KCNAB1: variants seen among roughly 807,000 people sequenced by gnomAD.
KCNAB1 encodes the protein voltage-gated potassium channel subunit beta-1.
KCNAB1 carries 35 observed loss-of-function variants against 64.6 expected under a neutral mutation model. The observed-to-expected ratio is 0.54, with a 90% confidence interval of 0.41 to 0.72. KCNAB1 has a LOEUF of 0.72. KCNAB1 is among the 30% of genes least tolerant of loss of function. The pLI, the probability that KCNAB1 is intolerant of heterozygous loss-of-function variation, is 0.00. For missense variants in KCNAB1, 401 were observed against 512.9 expected (o/e 0.78, Z 2.11); for synonymous variants, 177 against 183.8 (o/e 0.96, Z 0.30).
chr3:156,268,032 C>T (rs973110778), intron 1 of KCNAB1, among the ~76,000 whole-genome samples: 1 of 151,244 alleles, frequency 6.6e-6, no homozygotes, highest in African/African-American at 2.4e-5. Flanking sequence ...CTCCCCACCC[C>T]CCATTACACT....
chr3:156,487,907 T>A (rs918612073), intron 8 of KCNAB1, among the ~76,000 whole-genome samples: 5 of 150,354 alleles, frequency 3.3e-5, no homozygotes, highest in Admixed American at 1.3e-4. Context: ...AAAAAAAAAA[T>A]AAAAAATGGG....
At chr3:156,228,132 C>T (rs186680719) in intron 1 of KCNAB1, among the ~76,000 whole-genome samples, 2 of 152,142 alleles carry the variant, frequency 1.3e-5, no homozygotes, top group African/African-American at 4.8e-5. Flanking sequence ...TTCCTCTGTT[C>T]ATTCATTCCA....
At chr3:156,165,013 CA>C (rs1203342770) in intron 1 of KCNAB1, among the ~76,000 whole-genome samples, 3 of 152,132 alleles carry the variant, frequency 2.0e-5, no homozygotes, top group Non-Finnish European at 2.9e-5. Flanking sequence ...CGCGGTGGCT[CA>C]ACGCCTGTAA....
chr3:156,281,229 G>C (rs538067240), intron 1 of KCNAB1, among the ~76,000 whole-genome samples: 1,594 of 149,844 alleles, frequency 0.011, 19 homozygotes, highest in African/African-American at 0.034. Context: ...TAATCATGTG[G>C]TTTTTGTCTT....
intron 1 of KCNAB1, chr3:156,217,043 T>C (rs1217630781): frequency 6.6e-6 from 1 of 152,134 alleles, no homozygotes; most frequent in Non-Finnish European, 1.5e-5. Context: ...AGGCAGGCTG[T>C]AGAGATGAAA....
intron 1 of KCNAB1, among the ~76,000 whole-genome samples, chr3:156,135,835 G>A (rs996573203): frequency 3.3e-5 from 5 of 152,230 alleles, no homozygotes; most frequent in Admixed American, 3.3e-4. Flanking sequence ...TGTGGCACCA[G>A]TGTCAAAATA....
At chr3:156,388,160 G>T (rs1462031551) in intron 1 of KCNAB1, among the ~76,000 whole-genome samples, 2 of 152,196 alleles carry the variant, frequency 1.3e-5, no homozygotes, top group Non-Finnish European at 2.9e-5. Context: ...ATTGAAATAT[G>T]TATGATATGG....
At chr3:156,432,206 T>C (rs535220444) in intron 2 of KCNAB1, among the ~76,000 whole-genome samples, 1 of 152,342 alleles carries the variant, frequency 6.6e-6, no homozygotes, top group South Asian at 2.1e-4. Context: ...TTGGTAGCCA[T>C]AGTTGAAAAC....
intron 3 of KCNAB1, chr3:156,457,194 AAC>A (rs1211505670): frequency 1.6e-6 from 2 of 1,253,300 alleles, no homozygotes; most frequent in African/African-American, 3.1e-5. Flanking sequence ...CCCAGTGAGA[AAC>A]ACAAATCTAT....
rs16826319 is a variant in KCNAB1, at chr3:156,497,599, G to T, written c.659-16765G>T. ...CACATCCGTCTGTCTGACCAATAAG[G>T]ATGACATTTACACAATTTAAAAGAT... On this transcript the variant is annotated intron_variant, in intron 8 of 13. Transcript: ENST00000490337. Among the ~76,000 whole-genome samples the T allele has an allele frequency of 4.7e-3, 712 of 152,298 alleles. 10 individuals are homozygous for T. The East Asian group carries it at 0.051, about 11-fold the overall frequency.
chr3:156,176,497 A>G, intron 1 of KCNAB1: 1 of 793,826 alleles, frequency 1.3e-6, no homozygotes, highest in African/African-American at 1.7e-5. Flanking sequence ...CCGTTTCACT[A>G]TCCCACACAG....
intron 1 of KCNAB1, among the ~76,000 whole-genome samples, chr3:156,297,655 A>C (rs369851994): frequency 6.6e-6 from 1 of 152,200 alleles, no homozygotes; most frequent in Non-Finnish European, 1.5e-5. Context: ...CACATGTCAC[A>C]GTCACCATTC....
chr3:156,538,583 A>G lies in KCNAB1; in HGVS notation c.*1836A>G, dbSNP rs544931332. The G allele has an allele frequency of 9.2e-5, 14 of 152,382 alleles. No individual in the cohort carries two copies. Among genetic ancestry groups the G allele is most frequent in the African/African-American group, 3.1e-4 (13 of 41,590 alleles). The allele number at this position is 152,382 out of a possible 1,614,324, so 9.4% of individuals were successfully genotyped here. On this transcript the variant is annotated 3_prime_UTR_variant, in exon 14 of 14. Coordinates refer to ENST00000490337, the MANE Select transcript of KCNAB1 (RefSeq NM_172160.3). ...TGATTTATTTGCTTAGAGTAATAAAAGCATTTTGTGCATTCAATCTTACAA... is the reference window on the plus strand; with the variant it reads ...TGATTTATTTGCTTAGAGTAATAAAGGCATTTTGTGCATTCAATCTTACAA...
chr3:156,405,585 C>T (rs1415289710), intron 1 of KCNAB1, among the ~76,000 whole-genome samples: 1 of 152,158 alleles, frequency 6.6e-6, no homozygotes, highest in Non-Finnish European at 1.5e-5. Flanking sequence ...CACTATTTTA[C>T]CACCTAGATG....
chr3:156,123,446 A>G (rs1289588201), intron 1 of KCNAB1, among the ~76,000 whole-genome samples: 3 of 152,206 alleles, frequency 2.0e-5, no homozygotes, highest in African/African-American at 7.2e-5. Context: ...TTTATATTTG[A>G]AACAAAGGGT....
intron 1 of KCNAB1, among the ~76,000 whole-genome samples, chr3:156,169,674 T>C (rs950572107): frequency 3.3e-5 from 5 of 152,196 alleles, no homozygotes; most frequent in Admixed American, 6.5e-5. Flanking sequence ...CCTCTAGTGC[T>C]GTCTCGTGAT....
At chr3:156,394,906 T>G (rs764522079) in intron 1 of KCNAB1, among the ~76,000 whole-genome samples, 1 of 152,238 alleles carries the variant, frequency 6.6e-6, no homozygotes, top group Non-Finnish European at 1.5e-5. Context: ...TCTAGTGTTA[T>G]TGAAAGCAGC....
chr3:156,501,322 A>C (rs1056402031), intron 8 of KCNAB1, among the ~76,000 whole-genome samples: 1 of 151,208 alleles, frequency 6.6e-6, no homozygotes, highest in East Asian at 2.0e-4. Flanking sequence ...CAAGGAGTAT[A>C]TGGTATATGA....
intron 1 of KCNAB1, among the ~76,000 whole-genome samples, chr3:156,133,873 T>C (rs1269053061): frequency 2.0e-5 from 3 of 151,806 alleles, no homozygotes; most frequent in African/African-American, 4.8e-5. Context: ...GAAAGAAACA[T>C]GTAATCGGCA....
Sources: gnomAD v4.1 joint callset for allele counts (sites outside exome capture counted in the v4.1 genomes callset) on GRCh38, gnomAD v4.1.1 for gene constraint, MANE v1.5 for transcripts, NCBI Gene and HGNC (gene_info 2026-07-23, HGNC 2026-07-21) for gene names.